GALNT17: variants seen among roughly 807,000 people sequenced by gnomAD.
GALNT17 encodes UDP-GalNAc:polypeptide N-acetylgalactosaminyltransferase-like 3.
A neutral mutation model predicts 63.7 loss-of-function variants in GALNT17; 29 were observed. That is an observed-to-expected ratio of 0.46 (90% CI 0.34 to 0.62). The LOEUF is 0.62. Among genes scored for constraint, GALNT17 ranks in the 20% least tolerant of loss-of-function variants. The pLI is 0.01. For synonymous variants in GALNT17, 305 were observed against 318.3 expected, an observed-to-expected ratio of 0.96 and a Z score of 0.45; for missense variants, 603 against 799.6, an observed-to-expected ratio of 0.75 and a Z score of 2.97.
chr7:71,311,693 T>C (rs908846420), intron 1 of GALNT17, among the ~76,000 whole-genome samples: 1 of 152,160 alleles, frequency 6.6e-6, no homozygotes, highest in African/African-American at 2.4e-5. Context: ...CCTTGATTTG[T>C]TATTCTTGAG....
At chr7:71,482,465 A>G (rs895368352) in intron 5 of GALNT17, among the ~76,000 whole-genome samples, 3 of 152,048 alleles carry the variant, frequency 2.0e-5, no homozygotes, top group Non-Finnish European at 4.4e-5. Context: ...GATACATTCA[A>G]AGAAATGCAT....
At chr7:71,245,666 A>G (rs972257326) in intron 1 of GALNT17, among the ~76,000 whole-genome samples, 6 of 152,092 alleles carry the variant, frequency 3.9e-5, no homozygotes, top group African/African-American at 1.4e-4. Flanking sequence ...CTGTCTCTTT[A>G]ATGGGCAAAG....
In GALNT17 at chr7:71,330,821, G is replaced by A. The variant is rs570180288; in HGVS notation, c.239-4729G>A. On this transcript the variant is annotated intron_variant, in intron 1 of 10. Coordinates refer to ENST00000333538, the MANE Select transcript of GALNT17 (RefSeq NM_022479.3). ...ATAGAGCAGAAAAGAAAAAAGTTTC[G>A]CCGGATGCAATTCCTCCTGTTTGGT... 2.4e-4 allele frequency among the ~76,000 whole-genome samples: 37 copies of A among 152,230 alleles called. 1 individual carries two copies. The highest frequency in any genetic ancestry group is 1.6e-3 in the Admixed American group (24 of 15,298).
intron 5 of GALNT17, among the ~76,000 whole-genome samples, chr7:71,542,789 T>C (rs1186126542): frequency 6.6e-6 from 1 of 152,070 alleles, no homozygotes; most frequent in African/African-American, 2.4e-5. Flanking sequence ...CATTCTACTT[T>C]CCTTGTCCCT....
rs1166071187 is a variant in GALNT17 at position 71,440,933 on chromosome 7, C to T, written c.962+19828C>T. 1.3e-5 allele frequency among the ~76,000 whole-genome samples: 2 copies of T among 152,066 alleles called. 1 individual carries two copies. Among genetic ancestry groups the T allele is most frequent in the Non-Finnish European group, 2.9e-5 (2 of 68,016 alleles). ...TTACGTTTGAGGCCATCCATTTCTC[C>T]TCTTGTTTATGGAAATACAGGAACA... On this transcript the variant is annotated intron_variant, in intron 5 of 10. Coordinates refer to ENST00000333538, the MANE Select transcript of GALNT17 (RefSeq NM_022479.3).
chr7:71,325,174 C>A (rs952703453), intron 1 of GALNT17, among the ~76,000 whole-genome samples: 18 of 152,186 alleles, frequency 1.2e-4, no homozygotes, highest in African/African-American at 4.3e-4. Context: ...GAATGTTGCT[C>A]ACTGTTAAGC....
intron 2 of GALNT17, among the ~76,000 whole-genome samples, chr7:71,371,230 A>G (rs1420234335): frequency 1.3e-5 from 2 of 152,112 alleles, no homozygotes; most frequent in East Asian, 3.9e-4. Context: ...TTGCAATATG[A>G]TTTTGTCAGC....
At chr7:71,561,983 T>C (rs1584051596) in intron 5 of GALNT17, among the ~76,000 whole-genome samples, 1 of 151,060 alleles carries the variant, frequency 6.6e-6, no homozygotes, top group Middle Eastern at 3.4e-3. Flanking sequence ...TGAGATGGGG[T>C]CTCGCTCTGT....
rs559250555 is a variant in GALNT17, at chr7:71,218,312, TG to T, written c.238+85274del. 6.3e-3 allele frequency among the ~76,000 whole-genome samples: 956 copies of T among 152,240 alleles called. 13 individuals carry two copies. Among genetic ancestry groups the T allele is most frequent in the African/African-American group, 0.021 (875 of 41,554 alleles). On this transcript the variant is annotated intron_variant, in intron 1 of 10. Transcript: ENST00000333538. ...GAGAGGTTGAGGACTCTTTTCCCTA[TG>T]GTGGGGCACATTAGTTTCATCTTCT...
At chr7:71,229,384 G>A (rs1789744765) in intron 1 of GALNT17, among the ~76,000 whole-genome samples, 1 of 152,192 alleles carries the variant, frequency 6.6e-6, no homozygotes, top group Non-Finnish European at 1.5e-5. Flanking sequence ...CGGGGACGGT[G>A]AGACCAAGAT....
chr7:71,710,611 A>G (rs1584153748), intron 9 of GALNT17, 150 bp from the exon 10 acceptor site: 2 of 875,600 alleles, frequency 2.3e-6, no homozygotes, highest in Admixed American at 2.4e-5. Context: ...TGAGGTGAGC[A>G]TATGGCCTGA....
At chr7:71,688,301 A>C (rs1791391539) in intron 9 of GALNT17, among the ~76,000 whole-genome samples, 1 of 152,126 alleles carries the variant, frequency 6.6e-6, no homozygotes, top group Non-Finnish European at 1.5e-5. Flanking sequence ...CAAAATATTC[A>C]AAATGTTTCT....
intron 1 of GALNT17, among the ~76,000 whole-genome samples, chr7:71,224,123 C>T (rs1789638500): frequency 6.6e-6 from 1 of 152,064 alleles, no homozygotes; most frequent in Non-Finnish European, 1.5e-5. Flanking sequence ...GGTGCGATCT[C>T]AGCTCACTGC....
intron 9 of GALNT17, among the ~76,000 whole-genome samples, chr7:71,685,043 G>T (rs10259120): frequency 0.15 from 23,019 of 151,856 alleles, 3,184 homozygotes; most frequent in African/African-American, 0.37. Flanking sequence ...TCAAACGAAT[G>T]TCCCATATCA....
In GALNT17 at chr7:71,134,846, T is replaced by G. The variant is rs1206726883; in HGVS notation, c.238+1806T>G. On this transcript the variant is annotated intron_variant, in intron 1 of 10. Coordinates refer to ENST00000333538, the MANE Select transcript of GALNT17 (RefSeq NM_022479.3). Reference sequence around the variant, plus strand: ...TTCTTTGTTTTATGGTTTTTTTTTTTTTTTTTTTTTTTTTTTTTTTGAGAC... The same window carrying G: ...TTCTTTGTTTTATGGTTTTTTTTTTGTTTTTTTTTTTTTTTTTTTTGAGAC... 8.5e-5 allele frequency among the ~76,000 whole-genome samples: 10 copies of G among 117,822 alleles called. No individual in the cohort carries two copies. The South Asian group carries it at 1.5e-3, about 18-fold the overall frequency. 77.3% of individuals were successfully genotyped at this position (117,822 alleles called of 152,430 possible).
chr7:71,670,123 T>C lies in GALNT17; in HGVS notation c.1404+14T>C. The C allele has an allele frequency of 6.2e-7, 1 of 1,613,996 alleles. No homozygotes were observed. Among genetic ancestry groups the C allele is most frequent in the East Asian group, 2.2e-5 (1 of 44,870 alleles). On this transcript the variant is annotated intron_variant, in intron 8 of 10. Coordinates refer to ENST00000333538, the MANE Select transcript of GALNT17 (RefSeq NM_022479.3). Reference sequence around the variant, plus strand: ...GCTTACGGGGAGGTAATTCAGACCGTGCATGCTTTTGGCTTGGAATGCTGT... The same window carrying C: ...GCTTACGGGGAGGTAATTCAGACCGCGCATGCTTTTGGCTTGGAATGCTGT...
intron 1 of GALNT17, among the ~76,000 whole-genome samples, chr7:71,240,902 G>A (rs1789984579): frequency 6.6e-6 from 1 of 152,080 alleles, no homozygotes; most frequent in Non-Finnish European, 1.5e-5. Flanking sequence ...CTGACCTCGT[G>A]ATCCGCCTGC....
chr7:71,552,185 C>T (rs938304651), intron 5 of GALNT17, among the ~76,000 whole-genome samples: 4 of 152,010 alleles, frequency 2.6e-5, no homozygotes, highest in Non-Finnish European at 5.9e-5. Flanking sequence ...GCTGGGACTA[C>T]AGGAGCATGC....
intron 5 of GALNT17, among the ~76,000 whole-genome samples, chr7:71,562,467 C>A (rs958405435): frequency 2.0e-5 from 3 of 152,170 alleles, no homozygotes; most frequent in African/African-American, 7.2e-5. Flanking sequence ...CTTGTTCCTG[C>A]AACTAGAGGG....
Sources: allele counts gnomAD v4.1 joint callset (sites outside exome capture counted in the v4.1 genomes callset), GRCh38; gene constraint gnomAD v4.1.1; transcripts MANE v1.5; gene names NCBI Gene and HGNC (gene_info 2026-07-23, HGNC 2026-07-21).